UGGT1: variants seen among roughly 807,000 people sequenced by gnomAD.
The protein encoded by UGGT1 is UDP-glucose glycoprotein glucosyltransferase 1.
UGGT1 carries 107 observed loss-of-function variants against 203.9 expected under a neutral mutation model. That is an observed-to-expected ratio of 0.52 (90% CI 0.45 to 0.62). The LOEUF (loss-of-function observed/expected upper bound fraction) is 0.62. UGGT1 is among the 20% of genes least tolerant of loss of function. The pLI is 0.00. For synonymous variants in UGGT1, 628 were observed against 653.5 expected (o/e 0.96, Z 0.59); for missense variants, 1,673 against 1,867.2 (o/e 0.90, Z 1.92).
At chr2:128,094,978 A>C (rs1687045089) in intron 1 of UGGT1, among the ~76,000 whole-genome samples, 1 of 151,754 alleles carries the variant, frequency 6.6e-6, no homozygotes, top group African/African-American at 2.4e-5. Context: ...TGAACTCCTG[A>C]CCTCAGGTGA....
At chr2:128,169,031 G>C in intron 26 of UGGT1, among the ~76,000 whole-genome samples, 1 of 111,918 alleles carries the variant, frequency 8.9e-6, no homozygotes, top group South Asian at 3.2e-4. Flanking sequence ...CTGGGTGAAT[G>C]AGCGAGACTC....
intron 38 of UGGT1, among the ~76,000 whole-genome samples, chr2:128,186,214 C>T (rs1049860843): frequency 6.6e-6 from 1 of 152,220 alleles, no homozygotes; most frequent in African/African-American, 2.4e-5. Context: ...AATAACTTCT[C>T]TAAGGCATTG....
chr2:128,181,153 T>C, intron 36 of UGGT1, 81 bp downstream of exon 36: 1 of 1,320,896 alleles, frequency 7.6e-7, no homozygotes. Context: ...TTTTTCCACT[T>C]ATGGAAAAGG....
chr2:128,176,430 AAG>A (rs1412596974), intron 31 of UGGT1, among the ~76,000 whole-genome samples: 2 of 151,362 alleles, frequency 1.3e-5, no homozygotes, highest in African/African-American at 2.4e-5. Context: ...AAAAAAAAAA[AAG>A]AGCGGAGGCA....
intron 6 of UGGT1, among the ~76,000 whole-genome samples, chr2:128,114,319 T>C (rs1687998552): frequency 1.3e-5 from 2 of 152,256 alleles, no homozygotes; most frequent in South Asian, 4.1e-4. Context: ...GGTTTCACCA[T>C]GTTGGCCAGG....
intron 39 of UGGT1, 23 bp downstream of exon 39, chr2:128,186,822 C>A: frequency 6.4e-7 from 1 of 1,556,664 alleles, no homozygotes; most frequent in Non-Finnish European, 8.8e-7. Context: ...TGGTGTGCTT[C>A]TGCATGTTCA....
rs1473135062 is a variant in UGGT1 at position 128,176,796 on chromosome 2, C to T, written c.3540-18C>T. ...GAGAATTGTGCCTTGTAATATTGATCTTTCTTTTCTCGCAAAGCCACGATG... is the reference window on the plus strand; with the variant it reads ...GAGAATTGTGCCTTGTAATATTGATTTTTCTTTTCTCGCAAAGCCACGATG... On this transcript the variant is annotated intron_variant, in intron 31 of 40. Transcript: ENST00000259253. 3.7e-6 allele frequency: 6 copies of T among 1,611,034 alleles called. No homozygotes were observed. The African/African-American group carries it at 6.7e-5, about 18-fold the overall frequency.
chr2:128,157,223 C>T, intron 21 of UGGT1, 29 bp from the exon 22 acceptor site: 4 of 1,511,124 alleles, frequency 2.6e-6, no homozygotes, highest in Non-Finnish European at 2.8e-6. Context: ...TCTCCTCTGA[C>T]TCAATTAGCT....
intron 15 of UGGT1, among the ~76,000 whole-genome samples, chr2:128,135,668 TC>T (rs1285708113): frequency 3.3e-5 from 5 of 152,326 alleles, no homozygotes; most frequent in African/African-American, 1.2e-4. Context: ...GAAAAGATCC[TC>T]TGTATACTTT....
Position 128,091,614 on chromosome 2 carries a change from G to C in UGGT1, c.58+199G>C. 3 of 1,435,060 alleles carry C rather than the reference G, an allele frequency of 2.1e-6. No individual in the cohort carries two copies. The South Asian group carries it at 4.5e-5, about 21-fold the overall frequency. The allele number at this position is 1,435,060 out of a possible 1,614,324, so 88.9% of individuals were successfully genotyped here. On this transcript the variant is annotated intron_variant, in intron 1 of 40. Transcript: ENST00000259253. ...TTGGCAAGGTATCGCTTCCGCGGGG[G>C]TGGCGGCGGGCTCTGTTCAGCGGTC...
intron 36 of UGGT1, among the ~76,000 whole-genome samples, chr2:128,181,677 T>A (rs1171506815): frequency 6.6e-6 from 1 of 152,208 alleles, no homozygotes; most frequent in East Asian, 1.9e-4. Flanking sequence ...CTCTTTGGAA[T>A]TCTCTTCCAC....
chr2:128,112,131 A>G (rs1358139701), intron 5 of UGGT1, among the ~76,000 whole-genome samples: 1 of 151,064 alleles, frequency 6.6e-6, no homozygotes, highest in Non-Finnish European at 1.5e-5. Flanking sequence ...AATATAACAT[A>G]TTATATTGGC....
At chr2:128,172,443 T>A in intron 28 of UGGT1, 130 bp from the exon 29 acceptor site, 1 of 1,229,822 alleles carries the variant, frequency 8.1e-7, no homozygotes, top group Non-Finnish European at 1.1e-6. Flanking sequence ...TTGGAAACAC[T>A]TTTCCCAATC....
intron 2 of UGGT1, among the ~76,000 whole-genome samples, chr2:128,102,527 AAAAG>A (rs1687427428): frequency 6.6e-6 from 1 of 152,214 alleles, no homozygotes; most frequent in African/African-American, 2.4e-5. Flanking sequence ...ATGCTGTAAA[AAAAG>A]GCAGCATTTC....
rs1457752567 is a variant in UGGT1, at chr2:128,161,148, C to T, written c.2705C>T (p.Pro902Leu). The T allele has an allele frequency of 1.2e-6, 2 of 1,613,876 alleles. No individual in the cohort carries two copies. The highest frequency in any genetic ancestry group is 1.7e-6 in the Non-Finnish European group (2 of 1,179,938). The change falls in exon 25 of 41, where the codon CCA becomes CTA. Residue 902 changes from proline (P) to leucine (L), a missense_variant. Coordinates refer to ENST00000259253, the MANE Select transcript of UGGT1 (RefSeq NM_020120.4). The part of the protein sequence containing the change: ...AVISNGRIIG[P>L]LEDSELFNQD... ...TTCTCTCCTTCACAGATCATTGGGC[C>T]ACTGGAGGATAGTGAGCTCTTTAAT...
intron 1 of UGGT1, among the ~76,000 whole-genome samples, chr2:128,095,762 G>C (rs576006038): frequency 6.6e-6 from 1 of 152,024 alleles, no homozygotes; most frequent in African/African-American, 2.4e-5. Context: ...TTTGACCATC[G>C]TTCTTCAGAG....
chr2:128,128,477 AT>A (rs528306046), intron 12 of UGGT1, among the ~76,000 whole-genome samples: 5 of 151,424 alleles, frequency 3.3e-5, no homozygotes, highest in African/African-American at 9.7e-5. Context: ...ATGCCCAGCT[AT>A]TTTTTTTGTA....
chr2:128,103,118 A>G (rs896508724), intron 2 of UGGT1: 5 of 470,874 alleles, frequency 1.1e-5, no homozygotes, highest in African/African-American at 1.0e-4. Flanking sequence ...AGTGTTCACA[A>G]GTAATGGGAA....
At chr2:128,119,367 G>A (rs938619636) in intron 8 of UGGT1, among the ~76,000 whole-genome samples, 4 of 151,954 alleles carry the variant, frequency 2.6e-5, no homozygotes, top group African/African-American at 9.7e-5. Flanking sequence ...TGAGGCGGGC[G>A]GATCACGAGG....
Sources: gnomAD v4.1 joint callset for allele counts (sites outside exome capture counted in the v4.1 genomes callset) on GRCh38, gnomAD v4.1.1 for gene constraint, MANE v1.5 for transcripts, NCBI Gene and HGNC (gene_info 2026-07-23, HGNC 2026-07-21) for gene names.